ATP10B: variants seen among roughly 807,000 people sequenced by gnomAD.
ATP10B encodes ATPase phospholipid transporting 10B (putative).
Under a neutral mutation model 141.2 loss-of-function variants are expected in ATP10B, and 122 were observed. That is an observed-to-expected ratio of 0.86 (90% CI 0.75 to 1.00). The LOEUF (loss-of-function observed/expected upper bound fraction) is 1.00, where lower values mean the gene tolerates loss of function less well. ATP10B is among the 50% of genes least tolerant of loss of function. ATP10B has a pLI of 0.00. For missense variants in ATP10B, 1,876 were observed against 1,825.3 expected (o/e 1.03, Z -0.51); for synonymous variants, 685 against 692.0 (o/e 0.99, Z 0.16).
At chr5:160,661,664 A>C (rs1310592471) in intron 7 of ATP10B, among the ~76,000 whole-genome samples, 1 of 152,178 alleles carries the variant, frequency 6.6e-6, no homozygotes, top group African/African-American at 2.4e-5. Flanking sequence ...AATAAGAGCT[A>C]TCTATGACAA....
Position 160,688,187 on chromosome 5 carries a change from A to C in ATP10B, c.-20-93T>G, listed in dbSNP as rs1296226015. The stretch of plus-strand genomic sequence containing the variant: ...CCCCATCCATGCAGGGTAGACACTG[A>C]AAGTAGTCTTAACCCACACTTTGAC... On this transcript the variant is annotated intron_variant, in intron 4 of 25. Coordinates refer to ENST00000327245, the MANE Select transcript of ATP10B (RefSeq NM_025153.3). The C allele has an allele frequency of 2.2e-6, 3 of 1,347,640 alleles. No homozygotes were observed. The African/African-American group carries it at 4.4e-5, about 20-fold the overall frequency. 83.5% of individuals were successfully genotyped at this position (1,347,640 alleles called of 1,614,324 possible).
intron 1 of ATP10B, among the ~76,000 whole-genome samples, chr5:160,793,774 A>T (rs964537524): frequency 6.6e-6 from 1 of 152,224 alleles, no homozygotes. Context: ...AGCTCCATTC[A>T]TGGTAAGCAC....
intron 1 of ATP10B, among the ~76,000 whole-genome samples, chr5:160,845,350 G>A (rs140724539): frequency 6.6e-6 from 1 of 152,222 alleles, no homozygotes; most frequent in African/African-American, 2.4e-5. Context: ...TCCATTCACA[G>A]GTTTTAAGAA....
At chr5:160,641,841 G>C (rs1323319337) in intron 9 of ATP10B, among the ~76,000 whole-genome samples, 3 of 152,214 alleles carry the variant, frequency 2.0e-5, no homozygotes, top group African/African-American at 7.2e-5. Flanking sequence ...TGGTTGTCTT[G>C]TGGATTTAAA....
chr5:160,695,361 G>GC (rs11415665), intron 3 of ATP10B, among the ~76,000 whole-genome samples: 37,497 of 152,116 alleles, frequency 0.25, 5,673 homozygotes, highest in East Asian at 0.69. Flanking sequence ...ACAAAAGAGA[G>GC]AGGGTGCAGT....
chr5:160,780,367 C>CT (rs58884259), intron 2 of ATP10B, among the ~76,000 whole-genome samples: 97 of 151,860 alleles, frequency 6.4e-4, no homozygotes, highest in African/African-American at 2.2e-3. Flanking sequence ...ATAATTTATT[C>CT]TTTTATACAA....
chr5:160,644,279 G>T, intron 8 of ATP10B, 35 bp from the exon 9 acceptor site: 2 of 1,529,598 alleles, frequency 1.3e-6, no homozygotes, highest in Non-Finnish European at 1.8e-6. Flanking sequence ...GGGGTGGTTT[G>T]GTGGCCTTTC....
At chr5:160,906,920 T>C in the ATP10B span, among the ~76,000 whole-genome samples, 1 of 152,222 alleles carries the variant, frequency 6.6e-6, no homozygotes, top group Non-Finnish European at 1.5e-5. Flanking sequence ...TTTAAGCCAC[T>C]GTAATTGGGT....
chr5:160,919,557 T>C, the ATP10B span, among the ~76,000 whole-genome samples: 1 of 152,336 alleles, frequency 6.6e-6, no homozygotes, highest in African/African-American at 2.4e-5. Flanking sequence ...GAGAAGCTCT[T>C]AGAGGATTTT....
At chr5:160,600,070 T>C (rs1197277938) in intron 21 of ATP10B, among the ~76,000 whole-genome samples, 1 of 152,196 alleles carries the variant, frequency 6.6e-6, no homozygotes, top group African/African-American at 2.4e-5. Context: ...GAGTGAGATA[T>C]ACATCAGTAT....
chr5:160,592,705 C>A (rs1159773539), intron 22 of ATP10B, among the ~76,000 whole-genome samples: 1 of 152,230 alleles, frequency 6.6e-6, no homozygotes, highest in African/African-American at 2.4e-5. Context: ...CGGGTCACTC[C>A]CACCCTAATA....
At chr5:160,635,017 T>C (rs1759255712) in intron 11 of ATP10B, among the ~76,000 whole-genome samples, 1 of 152,260 alleles carries the variant, frequency 6.6e-6, no homozygotes, top group South Asian at 2.1e-4. Flanking sequence ...GTGCATTTGA[T>C]GCTGTTCTAA....
intron 3 of ATP10B, among the ~76,000 whole-genome samples, chr5:160,702,801 G>T (rs1011202199): frequency 4.6e-5 from 7 of 152,250 alleles, no homozygotes; most frequent in South Asian, 2.1e-4. Context: ...GTAACAGGAT[G>T]CTCTGTCTCA....
At chr5:160,860,252 A>G in the ATP10B span, among the ~76,000 whole-genome samples, 1 of 151,958 alleles carries the variant, frequency 6.6e-6, no homozygotes, top group South Asian at 2.1e-4. Context: ...ACAAATGTAT[A>G]AAGTAGTAGA....
intron 2 of ATP10B, among the ~76,000 whole-genome samples, chr5:160,766,930 G>T (rs1236853262): frequency 1.3e-5 from 2 of 152,168 alleles, no homozygotes; most frequent in Non-Finnish European, 2.9e-5. Context: ...GGCAGCTGCA[G>T]TTTGACACCT....
the ATP10B span, among the ~76,000 whole-genome samples, chr5:160,883,347 G>T: frequency 6.6e-6 from 1 of 152,128 alleles, no homozygotes; most frequent in African/African-American, 2.4e-5. Context: ...CCTGTGGTGA[G>T]GACAGAATCA....
At chr5:160,879,687 A>T in the ATP10B span, among the ~76,000 whole-genome samples, 2 of 152,010 alleles carry the variant, frequency 1.3e-5, no homozygotes, top group African/African-American at 4.8e-5. Flanking sequence ...AAATACAAAA[A>T]ATTAGCCGGG....
intron 1 of ATP10B, among the ~76,000 whole-genome samples, chr5:160,830,631 T>C (rs1775003114): frequency 6.6e-6 from 1 of 152,074 alleles, no homozygotes. Flanking sequence ...TCATTAGAAA[T>C]TGAGCCAAAT....
intron 2 of ATP10B, among the ~76,000 whole-genome samples, chr5:160,748,561 G>A (rs1476063167): frequency 1.3e-5 from 2 of 152,210 alleles, no homozygotes; most frequent in Admixed American, 1.3e-4. Context: ...CCTGCAGAGA[G>A]GGCTGCCCAC....
Sources: allele counts gnomAD v4.1 joint callset (sites outside exome capture counted in the v4.1 genomes callset), GRCh38; gene constraint gnomAD v4.1.1; transcripts MANE v1.5; gene names NCBI Gene and HGNC (gene_info 2026-07-23, HGNC 2026-07-21).